Variants in RABGAP1L observed in about 807,000 individuals in gnomAD.
RABGAP1L encodes the protein rab GTPase-activating protein 1-like.
Under a neutral mutation model 137.7 loss-of-function variants are expected in RABGAP1L, and 63 were observed. The observed-to-expected ratio is 0.46, with a 90% confidence interval of 0.37 to 0.56. RABGAP1L has a LOEUF of 0.56. RABGAP1L is among the 20% of genes least tolerant of loss of function. The pLI, the probability that RABGAP1L is intolerant of heterozygous loss-of-function variation, is 0.00. For synonymous variants in RABGAP1L, 431 were observed against 433.7 expected, an observed-to-expected ratio of 0.99 and a Z score of 0.08; for missense variants, 1,095 against 1,244.0, an observed-to-expected ratio of 0.88 and a Z score of 1.80.
At chr1:174,474,805 G>A (rs1357437292) in intron 13 of RABGAP1L, among the ~76,000 whole-genome samples, 1 of 151,938 alleles carries the variant, frequency 6.6e-6, no homozygotes, top group Non-Finnish European at 1.5e-5. Context: ...GTTTTACCAT[G>A]TTGGCCAGGA....
chr1:174,780,607 T>C (rs1352828924), intron 18 of RABGAP1L, among the ~76,000 whole-genome samples: 1 of 152,122 alleles, frequency 6.6e-6, no homozygotes, highest in African/African-American at 2.4e-5. Flanking sequence ...CTAGGGTACA[T>C]GTGCACAACG....
At chr1:174,371,708 A>G (rs1354099567) in intron 12 of RABGAP1L, among the ~76,000 whole-genome samples, 1 of 152,184 alleles carries the variant, frequency 6.6e-6, no homozygotes, top group Admixed American at 6.5e-5. Flanking sequence ...TCCCCATATT[A>G]GTATAGACAT....
intron 19 of RABGAP1L, among the ~76,000 whole-genome samples, chr1:174,943,316 G>C (rs1261085852): frequency 6.6e-6 from 1 of 152,086 alleles, no homozygotes; most frequent in African/African-American, 2.4e-5. Flanking sequence ...AGCCGGTCTT[G>C]CTCTTGGTCA....
At chr1:174,671,695 A>G (rs1385287688) in intron 14 of RABGAP1L, among the ~76,000 whole-genome samples, 4 of 152,074 alleles carry the variant, frequency 2.6e-5, no homozygotes, top group Non-Finnish European at 4.4e-5. Flanking sequence ...GTGGTGTTCT[A>G]TTTGGCTTAT....
intron 5 of RABGAP1L, among the ~76,000 whole-genome samples, chr1:174,242,332 A>C (rs1300392786): frequency 6.6e-6 from 1 of 152,224 alleles, no homozygotes; most frequent in Non-Finnish European, 1.5e-5. Context: ...TTCTACATCT[A>C]TTGAATTATC....
At chr1:174,924,137 C>T (rs1662285126) in intron 19 of RABGAP1L, among the ~76,000 whole-genome samples, 6 of 151,922 alleles carry the variant, frequency 3.9e-5, no homozygotes, top group Admixed American at 3.3e-4. Flanking sequence ...ACCTGTAATC[C>T]CAGCACTTTG....
chr1:174,695,754 G>C (rs879659287), intron 15 of RABGAP1L, among the ~76,000 whole-genome samples: 1 of 152,180 alleles, frequency 6.6e-6, no homozygotes, highest in Non-Finnish European at 1.5e-5. Flanking sequence ...TTCTTGAGAA[G>C]GCTTTCCAAA....
At chr1:174,780,111 TAAATA>T (rs1558070263) in intron 18 of RABGAP1L, among the ~76,000 whole-genome samples, 44 of 145,810 alleles carry the variant, frequency 3.0e-4, no homozygotes, top group African/African-American at 4.1e-4. Flanking sequence ...AATAAATAAA[TAAATA>T]AATTAAATAA....
At chr1:174,233,034 A>G (rs1222059356) in intron 4 of RABGAP1L, among the ~76,000 whole-genome samples, 1 of 152,068 alleles carries the variant, frequency 6.6e-6, no homozygotes, top group Non-Finnish European at 1.5e-5. Flanking sequence ...GCTCCAGCAT[A>G]TTTGGTGTCT....
intron 12 of RABGAP1L, among the ~76,000 whole-genome samples, chr1:174,392,312 T>C (rs1647261196): frequency 6.6e-6 from 1 of 152,222 alleles, no homozygotes; most frequent in African/African-American, 2.4e-5. Flanking sequence ...TATTTTTCTA[T>C]GCATGTCTAA....
At chr1:174,898,500 A>G (rs1657607791) in intron 19 of RABGAP1L, among the ~76,000 whole-genome samples, 1 of 152,252 alleles carries the variant, frequency 6.6e-6, no homozygotes, top group Non-Finnish European at 1.5e-5. Flanking sequence ...GTGATAAGTT[A>G]GACGACAAAT....
At chr1:174,173,937 A>T (rs1665617247) in intron 1 of RABGAP1L, among the ~76,000 whole-genome samples, 1 of 152,080 alleles carries the variant, frequency 6.6e-6, no homozygotes, top group African/African-American at 2.4e-5. Flanking sequence ...ATCTAGACTC[A>T]GTGGCAGTAC....
At chr1:174,180,579 C>G (rs1666271878) in intron 1 of RABGAP1L, among the ~76,000 whole-genome samples, 1 of 152,150 alleles carries the variant, frequency 6.6e-6, no homozygotes, top group African/African-American at 2.4e-5. Flanking sequence ...ATCTTCCTGC[C>G]TTAGCCTCCC....
chr1:174,572,226 A>G (rs1668034661), intron 13 of RABGAP1L, among the ~76,000 whole-genome samples: 1 of 152,140 alleles, frequency 6.6e-6, no homozygotes, highest in Non-Finnish European at 1.5e-5. Flanking sequence ...CTTTTTTTGT[A>G]AAATTGGAAA....
chr1:174,919,788 T>G lies in RABGAP1L; in HGVS notation c.2341-37669T>G, dbSNP rs531977551. On this transcript the variant is annotated intron_variant, in intron 19 of 25. Transcript: ENST00000681986. ...GGAGGATCACTTGAGCCCAGGAGTT[T>G]CAGGCTGCAGTGAGCTATGATCATG... Among the ~76,000 whole-genome samples, 6 of 152,144 alleles carry G rather than the reference T, an allele frequency of 3.9e-5. No homozygotes were observed. In the East Asian group the frequency reaches 1.2e-3, roughly 29 times the overall value.
chr1:174,831,262 C>G (rs4442419), intron 19 of RABGAP1L, among the ~76,000 whole-genome samples: 19,299 of 147,766 alleles, frequency 0.13, 3,094 homozygotes, highest in South Asian at 0.2. Context: ...CAATTAAAGA[C>G]TAAGAGAGTA....
chr1:174,813,162 G>A (rs1236923992), intron 19 of RABGAP1L, among the ~76,000 whole-genome samples: 2 of 152,194 alleles, frequency 1.3e-5, no homozygotes, highest in African/African-American at 2.4e-5. Context: ...CCATAGGAAG[G>A]TAAGAGAAGT....
rs143431264 is a variant in RABGAP1L at position 174,408,502 on chromosome 1, T to C, written c.1710+14357T>C. Among the ~76,000 whole-genome samples, 83 of 151,484 alleles carry C rather than the reference T, an allele frequency of 5.5e-4. 1 individual carries two copies. The highest frequency in any genetic ancestry group is 1.8e-3 in the African/African-American group (75 of 41,036). Reference sequence around the variant, plus strand: ...TTGTGTTGACTCCATGTCTTTGTTATTGTGAATAGTGCTGCAGTGAACATG... The same window carrying C: ...TTGTGTTGACTCCATGTCTTTGTTACTGTGAATAGTGCTGCAGTGAACATG... On this transcript the variant is annotated intron_variant, in intron 13 of 25. Coordinates refer to ENST00000681986, the MANE Select transcript of RABGAP1L (RefSeq NM_001366446.1).
rs573871910 is a variant in RABGAP1L at position 174,915,055 on chromosome 1, A to G, written c.2341-42402A>G. ...ATAGTGCATTGTATGGATAGCCCAC[A>G]TTTTGTTTATCCATTTACCAGTTGA... On this transcript the variant is annotated intron_variant, in intron 19 of 25. Coordinates refer to ENST00000681986, the MANE Select transcript of RABGAP1L (RefSeq NM_001366446.1). Among the ~76,000 whole-genome samples the G allele has an allele frequency of 3.9e-5, 6 of 152,132 alleles. 1 individual carries two copies. The South Asian group carries it at 1.0e-3, about 26-fold the overall frequency.
Sources: allele counts gnomAD v4.1 joint callset (sites outside exome capture counted in the v4.1 genomes callset), GRCh38; gene constraint gnomAD v4.1.1; transcripts MANE v1.5; gene names NCBI Gene and HGNC (gene_info 2026-07-23, HGNC 2026-07-21).